Variants in NECAB1 observed in about 807,000 individuals in gnomAD.
The protein encoded by NECAB1 is N-terminal EF-hand calcium-binding protein 1.
NECAB1 carries 29 observed loss-of-function variants against 57.5 expected under a neutral mutation model. The ratio of observed to expected loss-of-function variants is 0.50; its 90% CI spans 0.38 to 0.69. The LOEUF (loss-of-function observed/expected upper bound fraction) is 0.69, where lower values mean the gene tolerates loss of function less well. Among genes scored for constraint, NECAB1 ranks in the 30% least tolerant of loss-of-function variants. The pLI is 0.00. For synonymous variants in NECAB1, 142 were observed against 147.7 expected (o/e 0.96, Z 0.28); for missense variants, 372 against 413.8 (o/e 0.90, Z 0.88).
At chr8:90,847,350 A>T (rs1431484950) in intron 3 of NECAB1, among the ~76,000 whole-genome samples, 1 of 152,232 alleles carries the variant, frequency 6.6e-6, no homozygotes, top group Non-Finnish European at 1.5e-5. Context: ...GGTCTTGGGC[A>T]GCTCTGCCCC....
chr8:90,870,566 A>G lies in NECAB1; in HGVS notation c.234-1562A>G, dbSNP rs576430501. Among the ~76,000 whole-genome samples, 6 of 152,284 alleles carry G rather than the reference A, an allele frequency of 3.9e-5. 1 individual carries two copies. Among genetic ancestry groups the G allele is most frequent in the Admixed American group, 3.9e-4 (6 of 15,284 alleles). On this transcript the variant is annotated intron_variant, in intron 3 of 12. Transcript: ENST00000417640. ...GTTTCCTTTGGCTGCCTCCTCTACTACTATTTAGAGATTTAGCTCAACAAT... is the reference window on the plus strand; with the variant it reads ...GTTTCCTTTGGCTGCCTCCTCTACTGCTATTTAGAGATTTAGCTCAACAAT...
intron 5 of NECAB1, among the ~76,000 whole-genome samples, chr8:90,882,058 T>C (rs1391746298): frequency 1.3e-5 from 2 of 152,174 alleles, no homozygotes; most frequent in Non-Finnish European, 2.9e-5. Context: ...CCCACATCTT[T>C]CATGATGTCA....
At chr8:90,910,086 T>C (rs1809791407) in intron 5 of NECAB1, among the ~76,000 whole-genome samples, 1 of 152,086 alleles carries the variant, frequency 6.6e-6, no homozygotes, top group South Asian at 2.1e-4. Flanking sequence ...TTTATGTTCC[T>C]TCTAATTTTG....
intron 5 of NECAB1, among the ~76,000 whole-genome samples, chr8:90,889,957 G>T (rs111769649): frequency 8.2e-5 from 9 of 109,204 alleles, no homozygotes; most frequent in African/African-American, 5.5e-4. Flanking sequence ...CTGTGTGTGT[G>T]TGAGTGTGTG....
chr8:90,842,713 T>G (rs1484556951), intron 3 of NECAB1, among the ~76,000 whole-genome samples: 1 of 152,252 alleles, frequency 6.6e-6, no homozygotes, highest in African/African-American at 2.4e-5. Context: ...AAGAAAATGC[T>G]GTCATTTAGA....
At chr8:90,844,024 G>A (rs553299349) in intron 3 of NECAB1, among the ~76,000 whole-genome samples, 1 of 152,214 alleles carries the variant, frequency 6.6e-6, no homozygotes, top group African/African-American at 2.4e-5. Flanking sequence ...TGAAACTCAG[G>A]TGGGTAGAAA....
chr8:90,909,516 A>C (rs1809775758), intron 5 of NECAB1, among the ~76,000 whole-genome samples: 1 of 152,132 alleles, frequency 6.6e-6, no homozygotes, highest in Admixed American at 6.6e-5. Context: ...CCTGAGTTTT[A>C]GCATGTTCAC....
At chr8:90,890,359 T>C (rs922094259) in intron 5 of NECAB1, among the ~76,000 whole-genome samples, 4 of 152,324 alleles carry the variant, frequency 2.6e-5, no homozygotes, top group Middle Eastern at 3.4e-3. Context: ...TGATTGTCCT[T>C]TGCCTTCTGC....
At chr8:90,943,719 A>C (rs1213019518) in intron 10 of NECAB1, among the ~76,000 whole-genome samples, 1 of 152,212 alleles carries the variant, frequency 6.6e-6, no homozygotes, top group African/African-American at 2.4e-5. Context: ...TAAAACAGAT[A>C]TTATTAAGGA....
intron 4 of NECAB1, among the ~76,000 whole-genome samples, chr8:90,873,813 G>C (rs950575199): frequency 6.6e-6 from 1 of 152,022 alleles, no homozygotes; most frequent in Non-Finnish European, 1.5e-5. Flanking sequence ...AAGTTCTAAA[G>C]TATGATAGCA....
intron 5 of NECAB1, 78 bp downstream of exon 5, chr8:90,881,208 T>G: frequency 1.1e-6 from 1 of 950,670 alleles, no homozygotes; most frequent in Non-Finnish European, 1.6e-6. Flanking sequence ...ATACCTATTT[T>G]CAACTATAGA....
chr8:90,862,384 T>G (rs1407370764), intron 3 of NECAB1, among the ~76,000 whole-genome samples: 1 of 152,140 alleles, frequency 6.6e-6, no homozygotes, highest in Non-Finnish European at 1.5e-5. Context: ...ACCTTTTGGA[T>G]GTTGGGCAGT....
chr8:90,938,073 T>C (rs1810580168), intron 9 of NECAB1, among the ~76,000 whole-genome samples: 1 of 152,206 alleles, frequency 6.6e-6, no homozygotes, highest in African/African-American at 2.4e-5. Context: ...ATAAGTTGTA[T>C]TTAAAACATG....
In NECAB1 at chr8:90,959,000, T is replaced by A; in HGVS notation, c.*3488T>A. 1 of 1,409,732 alleles carries A rather than the reference T, an allele frequency of 7.1e-7. No homozygotes were observed. Among genetic ancestry groups the A allele is most frequent in the South Asian group, 1.3e-5 (1 of 74,442 alleles). 87.3% of individuals were successfully genotyped at this position (1,409,732 alleles called of 1,614,324 possible). On this transcript the variant is annotated 3_prime_UTR_variant, in exon 13 of 13. Coordinates refer to ENST00000417640, the MANE Select transcript of NECAB1 (RefSeq NM_022351.5). ...GTCCAAACTTAAATTCATCTGTTCT[T>A]AAAATGCTACTTAAAACTTTGGTTG...
intron 3 of NECAB1, among the ~76,000 whole-genome samples, chr8:90,846,811 A>G (rs902008216): frequency 2.6e-5 from 4 of 152,190 alleles, no homozygotes; most frequent in Non-Finnish European, 4.4e-5. Context: ...AAGACTATTC[A>G]GTATCATGAG....
intron 3 of NECAB1, among the ~76,000 whole-genome samples, chr8:90,831,701 C>A (rs1237580451): frequency 2.6e-5 from 4 of 152,112 alleles, no homozygotes; most frequent in African/African-American, 7.2e-5. Flanking sequence ...TACAGCCATG[C>A]CTCTGATGCC....
chr8:90,928,069 C>T (rs1475225193), intron 7 of NECAB1, among the ~76,000 whole-genome samples, 154 bp from the exon 8 acceptor site: 1 of 151,948 alleles, frequency 6.6e-6, no homozygotes, highest in African/African-American at 2.4e-5. Flanking sequence ...GAAATCAATA[C>T]CTTAGAAAGC....
intron 3 of NECAB1, among the ~76,000 whole-genome samples, chr8:90,838,803 C>T (rs1298530675): frequency 3.9e-5 from 6 of 152,176 alleles, no homozygotes; most frequent in Non-Finnish European, 4.4e-5. Flanking sequence ...TTTCCAAACT[C>T]ATGACAGAAA....
chr8:90,843,998 C>A (rs999234561), intron 3 of NECAB1, among the ~76,000 whole-genome samples: 1 of 151,710 alleles, frequency 6.6e-6, no homozygotes, highest in Non-Finnish European at 1.5e-5. Context: ...TTTTTCCTTA[C>A]AGGTATAACA....
Sources: gnomAD v4.1 joint callset for allele counts (sites outside exome capture counted in the v4.1 genomes callset) on GRCh38, gnomAD v4.1.1 for gene constraint, MANE v1.5 for transcripts, NCBI Gene and HGNC (gene_info 2026-07-23, HGNC 2026-07-21) for gene names.